The following NLGN1 variants were observed in gnomAD, a reference collection of about 807,000 sequenced individuals.
The protein encoded by NLGN1 is neuroligin 1.
NLGN1 carries 12 observed loss-of-function variants against 65.5 expected under a neutral mutation model. The ratio of observed to expected loss-of-function variants is 0.18; its 90% confidence interval spans 0.12 to 0.30. The LOEUF (loss-of-function observed/expected upper bound fraction) is 0.30. Ranked by LOEUF, NLGN1 falls within the 10% of genes least tolerant of loss-of-function variation. The pLI is 1.00. For missense variants in NLGN1, 750 were observed against 1,007.1 expected (o/e 0.74, Z 3.46); for synonymous variants, 350 against 359.5 (o/e 0.97, Z 0.30).
intron 2 of NLGN1, among the ~76,000 whole-genome samples, chr3:173,500,146 G>A (rs879585105): frequency 6.6e-6 from 1 of 152,122 alleles, no homozygotes; most frequent in African/African-American, 2.4e-5. Context: ...CAAAGGGAAT[G>A]CTTCCAGTTT....
chr3:174,147,303 T>C (rs1723461967), intron 4 of NLGN1, among the ~76,000 whole-genome samples: 2 of 151,620 alleles, frequency 1.3e-5, no homozygotes, highest in Non-Finnish European at 2.9e-5. Context: ...GGGCCCCACC[T>C]ACAGGTCTAC....
At chr3:174,105,260 G>A (rs1235474385) in intron 4 of NLGN1, among the ~76,000 whole-genome samples, 1 of 152,028 alleles carries the variant, frequency 6.6e-6, no homozygotes, top group African/African-American at 2.4e-5. Flanking sequence ...AGTTTGGCTG[G>A]CTGACATGGT....
chr3:173,759,325 G>A lies in NLGN1; in HGVS notation c.494-48355G>A, dbSNP rs146804584. ...ATTTTTAAATAATTTTATAATATTA[G>A]CAAAGATAAACCATAATTTATTCAA... On this transcript the variant is annotated intron_variant, in intron 3 of 6. Transcript: ENST00000457714. Among the ~76,000 whole-genome samples, 266 of 151,986 alleles carry A rather than the reference G, an allele frequency of 1.8e-3. 1 individual carries two copies. Among genetic ancestry groups the A allele is most frequent in the African/African-American group, 6.2e-3 (258 of 41,504 alleles).
intron 4 of NLGN1, among the ~76,000 whole-genome samples, chr3:174,266,576 T>C (rs75307136): frequency 0.01 from 1,534 of 152,212 alleles, 32 homozygotes; most frequent in African/African-American, 0.034. Flanking sequence ...ATATACCCGG[T>C]AGTGGGATTG....
At chr3:173,955,366 A>G (rs1305923887) in intron 4 of NLGN1, among the ~76,000 whole-genome samples, 1 of 152,146 alleles carries the variant, frequency 6.6e-6, no homozygotes, top group East Asian at 1.9e-4. Flanking sequence ...AAGGTTCCCA[A>G]ATGTGCTTTA....
chr3:173,772,846 T>A (rs1311581010), intron 3 of NLGN1, among the ~76,000 whole-genome samples: 1 of 152,070 alleles, frequency 6.6e-6, no homozygotes, highest in East Asian at 1.9e-4. Flanking sequence ...GCTGCCAGAC[T>A]CCTCCTCCTA....
chr3:173,854,002 T>G (rs61709178), intron 4 of NLGN1, among the ~76,000 whole-genome samples: 1 of 151,974 alleles, frequency 6.6e-6, no homozygotes, highest in African/African-American at 2.4e-5. Context: ...ATACTATACC[T>G]TTAACATATA....
At chr3:174,272,888 T>G (rs1195605161) in intron 4 of NLGN1, among the ~76,000 whole-genome samples, 1 of 151,670 alleles carries the variant, frequency 6.6e-6, no homozygotes, top group Non-Finnish European at 1.5e-5. Context: ...TTCTATGCTG[T>G]GGTTTAATAA....
chr3:174,233,410 C>T (rs1254777113), intron 4 of NLGN1, among the ~76,000 whole-genome samples: 7 of 151,750 alleles, frequency 4.6e-5, no homozygotes, highest in Non-Finnish European at 7.4e-5. Context: ...CGCTTGAACC[C>T]GGGAGGCAGA....
Position 174,053,760 on chromosome 3 carries a change from C to A in NLGN1, c.647-221555C>A, listed in dbSNP as rs867792089. On this transcript the variant is annotated intron_variant, in intron 4 of 6. Coordinates refer to ENST00000457714, the Ensembl canonical transcript of NLGN1. ...CTTTTCCTTCTTTTACTGTTCAATT[C>A]ATCCATTTCATTTGCTACCTTTTCC... is the stretch of plus-strand genomic sequence containing the variant. 2.0e-5 allele frequency among the ~76,000 whole-genome samples: 3 copies of A among 151,832 alleles called. No individual in the cohort carries two copies. In the South Asian group the frequency reaches 6.2e-4, roughly 32 times the overall value.
At chr3:174,263,585 G>A (rs766532054) in intron 4 of NLGN1, among the ~76,000 whole-genome samples, 2,652 of 152,068 alleles carry the variant, frequency 0.017, 43 homozygotes, top group Middle Eastern at 0.062. Flanking sequence ...GTCTCTGCAC[G>A]TGAGATGGGA....
intron 2 of NLGN1, among the ~76,000 whole-genome samples, chr3:173,565,805 C>A (rs1332795059): frequency 6.6e-6 from 1 of 152,036 alleles, no homozygotes; most frequent in Non-Finnish European, 1.5e-5. Flanking sequence ...CAATTAATTG[C>A]AAGGAAGATG....
chr3:174,072,883 A>T (rs1160672294), intron 4 of NLGN1, among the ~76,000 whole-genome samples: 3 of 152,200 alleles, frequency 2.0e-5, no homozygotes, highest in Admixed American at 6.6e-5. Flanking sequence ...CCTATGAAGT[A>T]GATTTGAAAC....
At chr3:174,249,636 G>GAGT (rs1274459334) in intron 4 of NLGN1, among the ~76,000 whole-genome samples, 4 of 152,176 alleles carry the variant, frequency 2.6e-5, no homozygotes, top group Non-Finnish European at 5.9e-5. Flanking sequence ...AAAGTTGAAT[G>GAGT]AGTACTTTAT....
At chr3:173,967,135 T>C (rs563947008) in intron 4 of NLGN1, among the ~76,000 whole-genome samples, 1 of 152,266 alleles carries the variant, frequency 6.6e-6, no homozygotes, top group African/African-American at 2.4e-5. Flanking sequence ...GTATGGAAGA[T>C]GGATATCAGC....
chr3:173,630,538 G>A (rs1577632042), intron 3 of NLGN1, among the ~76,000 whole-genome samples: 1 of 151,502 alleles, frequency 6.6e-6, no homozygotes, highest in East Asian at 1.9e-4. Flanking sequence ...TTTTTTCTAG[G>A]TACATCTTAC....
chr3:173,808,216 T>C (rs1265709970), intron 4 of NLGN1, among the ~76,000 whole-genome samples: 1 of 152,152 alleles, frequency 6.6e-6, no homozygotes, highest in African/African-American at 2.4e-5. Flanking sequence ...TTCTGGAGTA[T>C]GTATATGGAC....
intron 2 of NLGN1, among the ~76,000 whole-genome samples, chr3:173,499,779 T>G (rs930139161): frequency 2.0e-5 from 3 of 151,958 alleles, no homozygotes; most frequent in Non-Finnish European, 4.4e-5. Context: ...ACATCCCTTG[T>G]AAGTTGGATT....
At chr3:173,917,841 T>TTGTGTGTGTG (rs145802137) in intron 4 of NLGN1, among the ~76,000 whole-genome samples, 22,220 of 146,350 alleles carry the variant, frequency 0.15, 1,679 homozygotes, top group Middle Eastern at 0.21. Context: ...CAAAGCAACA[T>TTGTGTGTGTG]TGTGTGTGTG....
Sources: gnomAD v4.1 joint callset for allele counts (sites outside exome capture counted in the v4.1 genomes callset) on GRCh38, gnomAD v4.1.1 for gene constraint, MANE v1.5 for transcripts, NCBI Gene and HGNC (gene_info 2026-07-23, HGNC 2026-07-21) for gene names.